PRKCB: variants seen among roughly 807,000 people sequenced by gnomAD.
PRKCB encodes the protein protein kinase C beta type.
A neutral mutation model predicts 81.5 loss-of-function variants in PRKCB; 13 were observed. That is an observed-to-expected ratio of 0.16 (90% CI 0.10 to 0.25). PRKCB has a LOEUF of 0.25. PRKCB is among the 10% of genes least tolerant of loss of function. The probability of loss-of-function intolerance (pLI) is 1.00; values close to 1 mark genes in which losing one functional copy is unlikely to be tolerated. For synonymous variants in PRKCB, 335 were observed against 321.4 expected (o/e 1.04, Z -0.45); for missense variants, 509 against 875.7 (o/e 0.58, Z 5.29).
chr16:23,865,610 T>G (rs1259838802), intron 2 of PRKCB, among the ~76,000 whole-genome samples: 8 of 147,190 alleles, frequency 5.4e-5, no homozygotes, highest in African/African-American at 2.0e-4. Context: ...TATATATCTA[T>G]CTTTGTAGAA....
At chr16:23,957,341 T>C (rs1048800154) in intron 2 of PRKCB, among the ~76,000 whole-genome samples, 1 of 152,212 alleles carries the variant, frequency 6.6e-6, no homozygotes, top group Non-Finnish European at 1.5e-5. Flanking sequence ...TGTAGTAAAC[T>C]AGTAAATGTG....
chr16:24,217,979 C>T lies in PRKCB; in HGVS notation c.*3163C>T. ...CAGAGTAAAGTTTCTGGCTCGGGGACAATTATAAGTTGCAAAAAGGATAGA... is the reference window on the plus strand; with the variant it reads ...CAGAGTAAAGTTTCTGGCTCGGGGATAATTATAAGTTGCAAAAAGGATAGA... On this transcript the variant is annotated 3_prime_UTR_variant, in exon 17 of 17. Transcript: ENST00000643927. The T allele has an allele frequency of 1.0e-6, 1 of 985,264 alleles. No homozygotes were observed. Among genetic ancestry groups the T allele is most frequent in the African/African-American group, 1.7e-5 (1 of 57,284 alleles). 61.0% of individuals were successfully genotyped at this position (985,264 alleles called of 1,614,324 possible).
At chr16:24,040,524 T>A (rs1965685469) in intron 5 of PRKCB, among the ~76,000 whole-genome samples, 1 of 152,212 alleles carries the variant, frequency 6.6e-6, no homozygotes, top group Non-Finnish European at 1.5e-5. Flanking sequence ...TTGGATTTGA[T>A]TAATGTCTGC....
intron 2 of PRKCB, among the ~76,000 whole-genome samples, chr16:23,972,409 TA>T (rs1284269684): frequency 6.6e-6 from 1 of 152,190 alleles, no homozygotes; most frequent in African/African-American, 2.4e-5. Flanking sequence ...TTATTATATT[TA>T]AATATCAGAG....
At chr16:24,019,435 T>G (rs1202308274) in intron 3 of PRKCB, among the ~76,000 whole-genome samples, 1 of 152,192 alleles carries the variant, frequency 6.6e-6, no homozygotes, top group East Asian at 1.9e-4. Flanking sequence ...TATACACACC[T>G]CAGCACCTTG....
rs1216229559 is a variant in PRKCB at position 24,154,820 on chromosome 16, C to T, written c.1202C>T (p.Pro401Leu). Residue 401 changes from proline (P) to leucine (L), a missense_variant, in exon 10 of 17, where the codon CCC becomes CTC. This residue lies in a region of PRKCB where 106 missense variants were observed against 214.0 expected (regional missense o/e 0.50). Transcript: ENST00000643927. ...GTGTTGGCCCTGCCTGGGAAGCCGC[C>T]CTTCCTGACCCAGCTCCACTCCTGC... ...KRVLALPGKP[P>L]FLTQLHSCFQ... 2 of 1,614,102 alleles carry T rather than the reference C, an allele frequency of 1.2e-6. No homozygotes were observed. Among genetic ancestry groups the T allele is most frequent in the Non-Finnish European group, 1.7e-6 (2 of 1,179,992 alleles).
intron 3 of PRKCB, among the ~76,000 whole-genome samples, chr16:24,010,983 G>T (rs1965196093): frequency 6.6e-6 from 1 of 152,114 alleles, no homozygotes; most frequent in Non-Finnish European, 1.5e-5. Flanking sequence ...TCCTGCCTCA[G>T]TCTCCCAAGT....
chr16:23,968,530 G>A (rs1268476488), intron 2 of PRKCB, among the ~76,000 whole-genome samples: 1 of 152,172 alleles, frequency 6.6e-6, no homozygotes, highest in East Asian at 1.9e-4. Context: ...GAGGCAGGGA[G>A]GAAGAGGGGG....
At chr16:24,058,369 G>GT in intron 5 of PRKCB, among the ~76,000 whole-genome samples, 1 of 151,998 alleles carries the variant, frequency 6.6e-6, no homozygotes, top group Non-Finnish European at 1.5e-5. Flanking sequence ...GTGCACAATT[G>GT]ACATGTACAG....
intron 3 of PRKCB, among the ~76,000 whole-genome samples, chr16:23,992,790 G>T (rs1485759119): frequency 1.3e-5 from 2 of 152,278 alleles, no homozygotes; most frequent in South Asian, 4.1e-4. Flanking sequence ...TGCTCTAAAA[G>T]CAAGGGCAAG....
At chr16:23,918,154 T>C (rs1037323134) in intron 2 of PRKCB, among the ~76,000 whole-genome samples, 6 of 152,062 alleles carry the variant, frequency 3.9e-5, no homozygotes, top group African/African-American at 1.2e-4. Flanking sequence ...GGGGGATGTT[T>C]TGACACTTGG....
At chr16:24,140,362 G>A (rs1567389356) in intron 9 of PRKCB, among the ~76,000 whole-genome samples, 1 of 152,176 alleles carries the variant, frequency 6.6e-6, no homozygotes, top group South Asian at 2.1e-4. Flanking sequence ...CTGAGTTCTT[G>A]TAACCACCCG....
chr16:23,881,965 CCTTT>C (rs1192906884), intron 2 of PRKCB, among the ~76,000 whole-genome samples: 2,353 of 70,098 alleles, frequency 0.034, 138 homozygotes, highest in Middle Eastern at 0.059. Flanking sequence ...TTTTTCTTTT[CCTTT>C]CTTTCTTTCT....
intron 2 of PRKCB, among the ~76,000 whole-genome samples, chr16:23,875,068 G>T (rs1962972458): frequency 7.3e-6 from 1 of 136,756 alleles, no homozygotes; most frequent in Non-Finnish European, 1.5e-5. Flanking sequence ...ACGGGGTCTT[G>T]CTCTGTTGCC....
At chr16:24,179,370 G>T (rs1275232447) in intron 12 of PRKCB, among the ~76,000 whole-genome samples, 1 of 152,194 alleles carries the variant, frequency 6.6e-6, no homozygotes, top group Non-Finnish European at 1.5e-5. Context: ...CACTAGAATA[G>T]ACAGAACCAC....
chr16:24,165,888 T>TC (rs1194324490), intron 10 of PRKCB, among the ~76,000 whole-genome samples: 4 of 131,864 alleles, frequency 3.0e-5, no homozygotes, highest in Non-Finnish European at 4.7e-5. Context: ...TCTTTCTTTT[T>TC]TTTTTTTTTT....
chr16:24,169,029 G>T (rs1967396501), intron 10 of PRKCB, among the ~76,000 whole-genome samples: 1 of 152,006 alleles, frequency 6.6e-6, no homozygotes, highest in South Asian at 2.1e-4. Flanking sequence ...GCAGCCCTGT[G>T]TATGTTTCAT....
intron 13 of PRKCB, among the ~76,000 whole-genome samples, chr16:24,183,476 C>G (rs1226469010): frequency 6.6e-6 from 1 of 152,162 alleles, no homozygotes. Flanking sequence ...ATCCTGTAAT[C>G]AACATCTCTG....
At chr16:23,880,673 T>C (rs1056744901) in intron 2 of PRKCB, among the ~76,000 whole-genome samples, 2 of 152,106 alleles carry the variant, frequency 1.3e-5, no homozygotes, top group East Asian at 3.8e-4. Flanking sequence ...GGTTTCCTTC[T>C]GAATATTTTT....
Sources: allele counts gnomAD v4.1 joint callset (sites outside exome capture counted in the v4.1 genomes callset), GRCh38; gene constraint gnomAD v4.1.1; regional missense constraint gnomAD v4.1.1; transcripts MANE v1.5; gene names NCBI Gene and HGNC (gene_info 2026-07-23, HGNC 2026-07-21).